The following PDLIM4 variants were observed in gnomAD, a reference collection of about 807,000 sequenced individuals.
The protein encoded by PDLIM4 is PDZ and LIM domain protein 4.
A neutral mutation model predicts 31.3 loss-of-function variants in PDLIM4; 19 were observed. That is an observed-to-expected ratio of 0.61 (90% CI 0.42 to 0.89). The LOEUF (loss-of-function observed/expected upper bound fraction) is 0.89, where lower values mean the gene tolerates loss of function less well. Among genes scored for constraint, PDLIM4 ranks in the 40% least tolerant of loss-of-function variants. The pLI is 0.00. For missense variants in PDLIM4, 442 were observed against 461.1 expected (o/e 0.96, Z 0.38); for synonymous variants, 176 against 190.1 (o/e 0.93, Z 0.61).
intron 2 of PDLIM4, among the ~76,000 whole-genome samples, chr5:132,265,471 C>T (rs547710888): frequency 2.4e-4 from 37 of 152,312 alleles, no homozygotes; most frequent in African/African-American, 8.7e-4. Context: ...CCTGGGGCAG[C>T]AGAGCTCTAA....
intron 1 of PDLIM4, 91 bp from the exon 2 acceptor site, chr5:132,262,518 C>T (rs1161236391): frequency 9.7e-6 from 12 of 1,235,144 alleles, no homozygotes; most frequent in Admixed American, 2.7e-5. Context: ...GCCACACTGG[C>T]TAGGTTCTGA....
intron 1 of PDLIM4, 122 bp from the exon 2 acceptor site, chr5:132,262,487 C>T: frequency 1.1e-6 from 1 of 905,786 alleles, no homozygotes; most frequent in Non-Finnish European, 1.6e-6. Flanking sequence ...CTTGCCCATC[C>T]ACAGGCCATG....
intron 1 of PDLIM4, among the ~76,000 whole-genome samples, chr5:132,259,290 G>A (rs927814135): frequency 6.6e-6 from 1 of 152,120 alleles, no homozygotes; most frequent in Non-Finnish European, 1.5e-5. Context: ...CAGTGGCGGC[G>A]GCTGACGGCT....
At chr5:132,265,139 C>T (rs1447499464) in intron 2 of PDLIM4, among the ~76,000 whole-genome samples, 1 of 152,198 alleles carries the variant, frequency 6.6e-6, no homozygotes, top group Non-Finnish European at 1.5e-5. Flanking sequence ...ACAGCCTACC[C>T]TTTGCCTGTC....
At chr5:132,259,686 C>A (rs1401733911) in intron 1 of PDLIM4, among the ~76,000 whole-genome samples, 1 of 152,150 alleles carries the variant, frequency 6.6e-6, no homozygotes, top group Non-Finnish European at 1.5e-5. Context: ...CCAGCCCCTC[C>A]CTTGCTTCCA....
intron 3 of PDLIM4, chr5:132,270,467 A>G (rs997356007): frequency 5.8e-6 from 1 of 171,380 alleles, no homozygotes; most frequent in Admixed American, 5.8e-5. Context: ...GTTCCCAGCC[A>G]TGGGCCTACC....
At chr5:132,264,638 C>A (rs539061333) in intron 2 of PDLIM4, among the ~76,000 whole-genome samples, 33 of 152,096 alleles carry the variant, frequency 2.2e-4, no homozygotes, top group Non-Finnish European at 4.1e-4. Context: ...GCCACCTTGA[C>A]TTTCTGAGCC....
intron 1 of PDLIM4, among the ~76,000 whole-genome samples, chr5:132,260,294 C>G (rs1359545404): frequency 6.6e-6 from 1 of 152,192 alleles, no homozygotes; most frequent in East Asian, 1.9e-4. Flanking sequence ...GTTCCTGTCT[C>G]TGTTCCTTCT....
At chr5:132,266,273 C>T (rs1756489744) in intron 2 of PDLIM4, among the ~76,000 whole-genome samples, 191 bp from the exon 3 acceptor site, 1 of 152,212 alleles carries the variant, frequency 6.6e-6, no homozygotes, top group South Asian at 2.1e-4. Context: ...TATAGCCCTA[C>T]CCCAGGAGGA....
chr5:132,263,236 G>C (rs978541493), intron 2 of PDLIM4, among the ~76,000 whole-genome samples: 4 of 152,216 alleles, frequency 2.6e-5, no homozygotes, highest in African/African-American at 9.6e-5. Flanking sequence ...GTCACACAGA[G>C]AGGGAGTGGG....
At chr5:132,268,233 G>A (rs1387738445) in intron 3 of PDLIM4, among the ~76,000 whole-genome samples, 2 of 152,202 alleles carry the variant, frequency 1.3e-5, no homozygotes, top group African/African-American at 2.4e-5. Flanking sequence ...TACTTAAAAG[G>A]TCATGGGCTC....
Position 132,272,535 on chromosome 5 carries a change from G to A in PDLIM4, c.*306G>A. 2.2e-6 allele frequency: 1 copy of A among 452,596 alleles called. No individual in the cohort carries two copies. The allele number at this position is 452,596 out of a possible 1,614,324, so 28.0% of individuals were successfully genotyped here. A position where few individuals can be genotyped will look rare whatever the true frequency, so the allele number is the denominator to read the frequency against. On this transcript the variant is annotated 3_prime_UTR_variant, in exon 7 of 7. Transcript: ENST00000253754. ...GCCAGCTCTAGTAATACGAAGGTGA[G>A]GTCTGGGATGCTGCGTGCGGCGCGA...
chr5:132,271,655 C>G (rs747554451), intron 5 of PDLIM4, 136 bp from the exon 6 acceptor site: 3 of 941,318 alleles, frequency 3.2e-6, no homozygotes. Context: ...CTGTCGCTGC[C>G]CCTCACCCCA....
At chr5:132,265,781 T>A (rs1756478716) in intron 2 of PDLIM4, among the ~76,000 whole-genome samples, 1 of 152,210 alleles carries the variant, frequency 6.6e-6, no homozygotes, top group South Asian at 2.1e-4. Flanking sequence ...ACAGGGCTAC[T>A]GAGTGACAGG....
At chr5:132,266,697 C>T (rs973858466) in intron 3 of PDLIM4, 152 bp downstream of exon 3, 1 of 530,082 alleles carries the variant, frequency 1.9e-6, no homozygotes, top group African/African-American at 1.9e-5. Flanking sequence ...GGACCACATC[C>T]ATACCCCATC....
At chr5:132,258,430 C>T (rs1756292715) in intron 1 of PDLIM4, among the ~76,000 whole-genome samples, 2 of 152,212 alleles carry the variant, frequency 1.3e-5, no homozygotes, top group African/African-American at 2.4e-5. Context: ...GTTGTGAGAC[C>T]CCTCCCCACA....
At chr5:132,259,826 T>C (rs1382773522) in intron 1 of PDLIM4, among the ~76,000 whole-genome samples, 1 of 152,080 alleles carries the variant, frequency 6.6e-6, no homozygotes, top group Non-Finnish European at 1.5e-5. Flanking sequence ...AAGAACATCA[T>C]CCGGGGCTCC....
chr5:132,267,026 TGCAG>T (rs1328201511), intron 3 of PDLIM4, among the ~76,000 whole-genome samples: 3 of 152,248 alleles, frequency 2.0e-5, no homozygotes, highest in African/African-American at 7.2e-5. Flanking sequence ...GAACTTAGGC[TGCAG>T]GCCTGTCTGC....
At chr5:132,262,889 C>A in intron 2 of PDLIM4, 129 bp downstream of exon 2, 1 of 794,412 alleles carries the variant, frequency 1.3e-6, no homozygotes, top group Non-Finnish European at 2.0e-6. Flanking sequence ...CATCCAGGAA[C>A]AGTCCCAAGG....
Sources: gnomAD v4.1 joint callset for allele counts (sites outside exome capture counted in the v4.1 genomes callset) on GRCh38, gnomAD v4.1.1 for gene constraint, MANE v1.5 for transcripts, NCBI Gene and HGNC (gene_info 2026-07-23, HGNC 2026-07-21) for gene names.